Variants in CCDC102B observed in about 807,000 individuals in gnomAD.
The protein encoded by CCDC102B is coiled-coil domain containing 102B.
In CCDC102B, 75 loss-of-function variants were observed where a neutral mutation model predicts 57.4. That is an observed-to-expected ratio of 1.31 (90% CI 1.08 to 1.58). The LOEUF (loss-of-function observed/expected upper bound fraction) is 1.58. Ranked by LOEUF, CCDC102B falls within the 40% of genes most tolerant of loss-of-function variation. The probability of loss-of-function intolerance (pLI) is 0.00; values close to 1 mark genes in which losing one functional copy is unlikely to be tolerated. For missense variants in CCDC102B, 636 were observed against 582.6 expected (o/e 1.09, Z -0.94); for synonymous variants, 206 against 201.9 (o/e 1.02, Z -0.17).
At chr18:68,826,184 A>G (rs930623967) in intron 1 of CCDC102B, among the ~76,000 whole-genome samples, 15 of 152,240 alleles carry the variant, frequency 9.9e-5, no homozygotes, top group African/African-American at 3.6e-4. Flanking sequence ...TCTGTGGAAT[A>G]CATGTGTGGC....
chr18:68,952,508 G>T (rs1038383141), intron 6 of CCDC102B, among the ~76,000 whole-genome samples: 1 of 152,068 alleles, frequency 6.6e-6, no homozygotes, highest in African/African-American at 2.4e-5. Flanking sequence ...GAAGGAAAAA[G>T]TAAAGTTCTC....
intron 6 of CCDC102B, among the ~76,000 whole-genome samples, chr18:68,963,814 T>A (rs1199204589): frequency 6.6e-6 from 1 of 151,900 alleles, no homozygotes; most frequent in Non-Finnish European, 1.5e-5. Context: ...TATGTATGTA[T>A]GTATGTATGT....
intron 4 of CCDC102B, among the ~76,000 whole-genome samples, chr18:68,862,229 T>C (rs1374244468): frequency 6.6e-6 from 1 of 152,208 alleles, no homozygotes; most frequent in African/African-American, 2.4e-5. Context: ...CTTTGTAACC[T>C]TGTGGATATT....
intron 2 of CCDC102B, among the ~76,000 whole-genome samples, chr18:68,749,750 T>C (rs527482948): frequency 6.6e-6 from 1 of 152,294 alleles, no homozygotes; most frequent in South Asian, 2.1e-4. Context: ...CCTCTTTTCC[T>C]AATTGAATAC....
At chr18:68,957,724 A>G (rs1044247200) in intron 6 of CCDC102B, among the ~76,000 whole-genome samples, 1 of 152,062 alleles carries the variant, frequency 6.6e-6, no homozygotes, top group Non-Finnish European at 1.5e-5. Flanking sequence ...CATTTTAACA[A>G]TATTGATTCT....
chr18:68,865,301 G>A (rs189710335), intron 4 of CCDC102B, among the ~76,000 whole-genome samples: 75 of 152,074 alleles, frequency 4.9e-4, no homozygotes, highest in Non-Finnish European at 8.5e-4. Context: ...TGCAATTCAC[G>A]AAGTGTCAGT....
chr18:68,844,048 G>C (rs2037748919), intron 3 of CCDC102B, among the ~76,000 whole-genome samples: 1 of 151,552 alleles, frequency 6.6e-6, no homozygotes, highest in African/African-American at 2.4e-5. Context: ...CTAACCAAAT[G>C]GTAACCTTTT....
chr18:68,898,771 A>G (rs1009510674), intron 6 of CCDC102B, among the ~76,000 whole-genome samples: 3 of 152,186 alleles, frequency 2.0e-5, no homozygotes, highest in Non-Finnish European at 4.4e-5. Flanking sequence ...ACAAATTTTT[A>G]TAAATAAAAC....
At chr18:69,022,444 T>A (rs1482360730) in intron 7 of CCDC102B, among the ~76,000 whole-genome samples, 1 of 152,042 alleles carries the variant, frequency 6.6e-6, no homozygotes, top group Non-Finnish European at 1.5e-5. Context: ...TGCTGTTCAT[T>A]AATTTACGAG....
intron 4 of CCDC102B, among the ~76,000 whole-genome samples, chr18:68,850,400 GTCCTA>G (rs2038068883): frequency 1.3e-5 from 2 of 152,022 alleles, no homozygotes; most frequent in African/African-American, 4.8e-5. Context: ...CTTTCACTCT[GTCCTA>G]TGTCCTTGAG....
intron 2 of CCDC102B, among the ~76,000 whole-genome samples, chr18:68,792,956 G>A (rs1298170571): frequency 6.6e-6 from 1 of 152,154 alleles, no homozygotes; most frequent in African/African-American, 2.4e-5. Context: ...CAGGAGGGAA[G>A]AAAATAATAT....
At chr18:68,938,337 GA>G (rs2049297401) in intron 6 of CCDC102B, among the ~76,000 whole-genome samples, 2 of 152,002 alleles carry the variant, frequency 1.3e-5, no homozygotes, top group African/African-American at 4.8e-5. Context: ...TAAATTCCCT[GA>G]GGGATGAGGC....
intron 2 of CCDC102B, among the ~76,000 whole-genome samples, chr18:68,733,161 T>A (rs775392633): frequency 6.6e-6 from 1 of 151,986 alleles, no homozygotes; most frequent in Non-Finnish European, 1.5e-5. Context: ...TGAAGGGGAT[T>A]TAATGAGGTG....
At chr18:68,875,105 C>A (rs1484264729) in intron 5 of CCDC102B, 2 of 171,222 alleles carry the variant, frequency 1.2e-5, no homozygotes, top group African/African-American at 4.7e-5. Flanking sequence ...CATTTATTTT[C>A]AGAACCAATG....
At chr18:68,949,749 G>C (rs893336040) in intron 6 of CCDC102B, among the ~76,000 whole-genome samples, 1 of 151,966 alleles carries the variant, frequency 6.6e-6, no homozygotes, top group Admixed American at 6.6e-5. Flanking sequence ...TCGCTACTCT[G>C]TATTTCCTAT....
At chr18:68,729,174 A>C (rs926099444) in intron 2 of CCDC102B, among the ~76,000 whole-genome samples, 8 of 152,206 alleles carry the variant, frequency 5.3e-5, no homozygotes, top group Non-Finnish European at 1.2e-4. Context: ...TATATGAAGA[A>C]AATTATGACA....
intron 7 of CCDC102B, among the ~76,000 whole-genome samples, chr18:69,053,038 A>G (rs1469101309): frequency 6.6e-6 from 1 of 152,006 alleles, no homozygotes; most frequent in Non-Finnish European, 1.5e-5. Context: ...CTTGGAACCA[A>G]TCTCCTGTGG....
chr18:69,011,133 G>T (rs764007664), intron 7 of CCDC102B, 29 bp downstream of exon 7: 1 of 1,590,544 alleles, frequency 6.3e-7, no homozygotes, highest in African/African-American at 1.4e-5. Flanking sequence ...ACACGTGCTG[G>T]ACAGCTTCTA....
chr18:69,007,870 C>A (rs2051394627), intron 6 of CCDC102B, among the ~76,000 whole-genome samples: 1 of 152,226 alleles, frequency 6.6e-6, no homozygotes, highest in Admixed American at 6.5e-5. Context: ...TTCCTTCCTT[C>A]CTTCCTTTTG....
Sources: gnomAD v4.1 joint callset for allele counts (sites outside exome capture counted in the v4.1 genomes callset) on GRCh38, gnomAD v4.1.1 for gene constraint, MANE v1.5 for transcripts, NCBI Gene and HGNC (gene_info 2026-07-23, HGNC 2026-07-21) for gene names.